RNLS: variants seen among roughly 807,000 people sequenced by gnomAD.
RNLS encodes renalase.
In RNLS, 39 loss-of-function variants were observed where a neutral mutation model predicts 39.8. That is an observed-to-expected ratio of 0.98 (90% confidence interval 0.76 to 1.28). The LOEUF (loss-of-function observed/expected upper bound fraction) is 1.28, where lower values mean the gene tolerates loss of function less well. Ranked by LOEUF, RNLS falls within the 50% of genes most tolerant of loss-of-function variation. RNLS has a pLI of 0.00. For missense variants in RNLS, 410 were observed against 413.3 expected (o/e 0.99, Z 0.07); for synonymous variants, 147 against 150.7 (o/e 0.98, Z 0.18).
chr10:88,289,199 T>C (rs1424910875), intron 6 of RNLS, among the ~76,000 whole-genome samples: 1 of 152,174 alleles, frequency 6.6e-6, no homozygotes, highest in African/African-American at 2.4e-5. Flanking sequence ...CCCATGTCAA[T>C]GTGTTTTGTT....
chr10:88,391,863 T>G (rs977897378), intron 4 of RNLS, among the ~76,000 whole-genome samples: 1 of 152,216 alleles, frequency 6.6e-6, no homozygotes, highest in Non-Finnish European at 1.5e-5. Flanking sequence ...ACTCTGCTCT[T>G]TTCTCATTCT....
At chr10:88,527,904 T>G (rs1381485378) in intron 4 of RNLS, among the ~76,000 whole-genome samples, 1 of 145,958 alleles carries the variant, frequency 6.9e-6, no homozygotes, top group Non-Finnish European at 1.5e-5. Context: ...AGATAGTGCA[T>G]CCAGAAAATA....
At chr10:88,173,056 C>A in the RNLS span, among the ~76,000 whole-genome samples, 654 of 151,712 alleles carry the variant, frequency 4.3e-3, 3 homozygotes, top group African/African-American at 0.015. Flanking sequence ...GACAGGGTTT[C>A]ACCATGTTAG....
At chr10:88,373,453 TAA>T (rs936118255) in intron 4 of RNLS, among the ~76,000 whole-genome samples, 5 of 152,140 alleles carry the variant, frequency 3.3e-5, no homozygotes, top group African/African-American at 1.2e-4. Context: ...AACTTGGGAA[TAA>T]AAAGTGTAAG....
At chr10:88,437,502 C>T (rs763890714) in intron 4 of RNLS, among the ~76,000 whole-genome samples, 2 of 152,158 alleles carry the variant, frequency 1.3e-5, no homozygotes, top group African/African-American at 2.4e-5. Flanking sequence ...AAGGTTTACC[C>T]AGTGGACCAG....
At chr10:88,185,533 C>T in the RNLS span, among the ~76,000 whole-genome samples, 1 of 152,100 alleles carries the variant, frequency 6.6e-6, no homozygotes, top group Non-Finnish European at 1.5e-5. Context: ...TAGTACATTC[C>T]AATCTCCTCA....
At chr10:88,257,666 A>C in the RNLS span, among the ~76,000 whole-genome samples, 3 of 152,218 alleles carry the variant, frequency 2.0e-5, no homozygotes, top group Middle Eastern at 3.2e-3. Context: ...GTAATGGGGT[A>C]AACAGGGGAA....
chr10:88,534,396 T>C (rs545863942), intron 4 of RNLS, among the ~76,000 whole-genome samples: 41 of 152,210 alleles, frequency 2.7e-4, no homozygotes, highest in Non-Finnish European at 4.4e-4. Context: ...AGGCTTGAAA[T>C]AGGGAATTGC....
the RNLS span, among the ~76,000 whole-genome samples, chr10:88,239,341 T>C: frequency 6.6e-6 from 1 of 152,200 alleles, no homozygotes; most frequent in Admixed American, 6.5e-5. Flanking sequence ...AGCAGGAGAC[T>C]GCTCCTGGCA....
At chr10:88,464,077 T>C (rs1158789877) in intron 4 of RNLS, among the ~76,000 whole-genome samples, 1 of 152,088 alleles carries the variant, frequency 6.6e-6, no homozygotes, top group Admixed American at 6.6e-5. Flanking sequence ...CTGTGTGGCC[T>C]TGGACAAGTG....
chr10:88,434,270 T>C (rs1200096912), intron 4 of RNLS, among the ~76,000 whole-genome samples: 1 of 152,108 alleles, frequency 6.6e-6, no homozygotes, highest in Non-Finnish European at 1.5e-5. Flanking sequence ...CCACTTGCAA[T>C]CTCCCAACAG....
chr10:88,176,579 T>C, the RNLS span, among the ~76,000 whole-genome samples: 1 of 152,224 alleles, frequency 6.6e-6, no homozygotes, highest in Non-Finnish European at 1.5e-5. Context: ...GTTTTGCATA[T>C]CTTTTGTTCC....
the RNLS span, among the ~76,000 whole-genome samples, chr10:88,250,354 T>C: frequency 6.6e-6 from 1 of 152,242 alleles, no homozygotes; most frequent in Non-Finnish European, 1.5e-5. Context: ...GAAAATTCTT[T>C]GGAAGTCTCC....
chr10:88,562,597 T>A (rs1420706862), intron 4 of RNLS, among the ~76,000 whole-genome samples: 2 of 151,980 alleles, frequency 1.3e-5, no homozygotes, highest in Non-Finnish European at 2.9e-5. Flanking sequence ...GAAATGACAA[T>A]TTGTTGGGCA....
intron 4 of RNLS, among the ~76,000 whole-genome samples, chr10:88,509,425 G>A (rs1845966590): frequency 8.2e-6 from 1 of 121,550 alleles, no homozygotes; most frequent in African/African-American, 3.0e-5. Context: ...AGAATTAGTG[G>A]AAGAAAGGAA....
chr10:88,317,932 C>T (rs1845886195), intron 5 of RNLS, among the ~76,000 whole-genome samples: 1 of 152,216 alleles, frequency 6.6e-6, no homozygotes, highest in African/African-American at 2.4e-5. Context: ...TGCAACAATT[C>T]ACTGACTGTC....
chr10:88,573,652 T>G (rs1305520111), intron 3 of RNLS, among the ~76,000 whole-genome samples: 3 of 152,182 alleles, frequency 2.0e-5, no homozygotes, highest in Non-Finnish European at 4.4e-5. Context: ...TTTAGAAACA[T>G]ACTCTAGAGT....
the RNLS span, among the ~76,000 whole-genome samples, chr10:88,210,115 T>C: frequency 2.0e-5 from 3 of 152,238 alleles, no homozygotes; most frequent in Non-Finnish European, 4.4e-5. Flanking sequence ...AGTGCTAGTA[T>C]TTTTGTTTAA....
chr10:88,528,713 C>T (rs138917090), intron 4 of RNLS, among the ~76,000 whole-genome samples: 252 of 152,076 alleles, frequency 1.7e-3, no homozygotes, highest in Middle Eastern at 3.4e-3. Context: ...ATTAGCTGGG[C>T]ATGGTGGCAC....
Sources: allele counts gnomAD v4.1 joint callset (sites outside exome capture counted in the v4.1 genomes callset), GRCh38; gene constraint gnomAD v4.1.1; transcripts MANE v1.5; gene names NCBI Gene and HGNC (gene_info 2026-07-23, HGNC 2026-07-21).